The following DLGAP4 variants were observed in gnomAD, a reference collection of about 807,000 sequenced individuals.
The protein encoded by DLGAP4 is disks large-associated protein 4.
Under a neutral mutation model 86.9 loss-of-function variants are expected in DLGAP4, and 18 were observed. That is an observed-to-expected ratio of 0.21 (90% CI 0.14 to 0.31). The LOEUF is 0.31. Among genes scored for constraint, DLGAP4 ranks in the 10% least tolerant of loss-of-function variants. The pLI, the probability that DLGAP4 is intolerant of heterozygous loss-of-function variation, is 1.00. For missense variants in DLGAP4, 1,085 were observed against 1,362.6 expected (o/e 0.80, Z 3.21); for synonymous variants, 548 against 574.3 (o/e 0.95, Z 0.65).
chr20:36,461,939 G>A, intron 7 of DLGAP4: 1 of 984,784 alleles, frequency 1.0e-6, no homozygotes, highest in Non-Finnish European at 1.2e-6. Context: ...AGCCCTCAGA[G>A]CCGCCCTTTC....
At chr20:36,521,606 C>T (rs2147856510) in intron 10 of DLGAP4, among the ~76,000 whole-genome samples, 1 of 152,144 alleles carries the variant, frequency 6.6e-6, no homozygotes, top group East Asian at 1.9e-4. Flanking sequence ...GCCTTTCAGC[C>T]CTCCTCTCCC....
At position 36,317,501 on chromosome 20, in the gene DLGAP4, C is replaced by T. The variant is rs1407358143; in HGVS notation, c.-304+10989C>T. Among the ~76,000 whole-genome samples the T allele has an allele frequency of 1.9e-3, 271 of 139,322 alleles. 2 individuals carry two copies. The highest frequency in any genetic ancestry group is 3.9e-3 in the Admixed American group (53 of 13,556). The allele number at this position is 139,322 out of a possible 152,430, so 91.4% of individuals were successfully genotyped here. ...TTTGTCAGAGCTCTGTTGCCCAGGCCGGAGTACAGTGACATGATCATAGCT... is the reference window on the plus strand; with the variant it reads ...TTTGTCAGAGCTCTGTTGCCCAGGCTGGAGTACAGTGACATGATCATAGCT... On this transcript the variant is annotated intron_variant, in intron 1 of 12. Transcript: ENST00000339266.
chr20:36,346,062 T>C (rs2029926998), intron 1 of DLGAP4, among the ~76,000 whole-genome samples: 2 of 152,040 alleles, frequency 1.3e-5, no homozygotes, highest in Admixed American at 6.6e-5. Flanking sequence ...CACCCTCACA[T>C]TTTTTTTCAT....
intron 7 of DLGAP4, among the ~76,000 whole-genome samples, chr20:36,462,958 G>C (rs879853639): frequency 2.0e-5 from 3 of 151,432 alleles, no homozygotes; most frequent in Non-Finnish European, 4.4e-5. Context: ...GCCCCGGCTG[G>C]GTGTGGGGGC....
chr20:36,468,738 G>A (rs540500956), intron 7 of DLGAP4, among the ~76,000 whole-genome samples: 3 of 152,350 alleles, frequency 2.0e-5, no homozygotes, highest in South Asian at 2.1e-4. Flanking sequence ...AACCGTGTTC[G>A]TCATACCAAA....
chr20:36,457,725 C>T (rs1231019988), intron 7 of DLGAP4, among the ~76,000 whole-genome samples: 1 of 150,694 alleles, frequency 6.6e-6, no homozygotes, highest in Non-Finnish European at 1.5e-5. Flanking sequence ...CCGTGGTAGC[C>T]AGGATGGTCC....
chr20:36,358,684 T>G (rs1241604175), intron 1 of DLGAP4, among the ~76,000 whole-genome samples: 10 of 152,074 alleles, frequency 6.6e-5, no homozygotes, highest in Admixed American at 3.9e-4. Flanking sequence ...GGTGGACGCC[T>G]GTAGTCCCAG....
At chr20:36,461,579 G>A in intron 7 of DLGAP4, 1 of 962,062 alleles carries the variant, frequency 1.0e-6, no homozygotes, top group African/African-American at 1.8e-5. Context: ...CGTCGTCGCT[G>A]CCGCCTCCTC....
At chr20:36,420,185 A>G (rs1428537280) in intron 2 of DLGAP4, among the ~76,000 whole-genome samples, 2 of 152,120 alleles carry the variant, frequency 1.3e-5, no homozygotes, top group South Asian at 2.1e-4. Context: ...ATTCAACACA[A>G]TCTTCATGAA....
Position 36,497,018 on chromosome 20 carries a change from C to G in DLGAP4, c.1962C>G (p.Ser654=). 6.2e-7 allele frequency: 1 copy of G among 1,612,278 alleles called. No homozygotes were observed. The highest frequency in any genetic ancestry group is 8.5e-7 in the Non-Finnish European group (1 of 1,178,628). The part of the protein sequence containing the change: ...SEQGTLTSSE[S]HPEAAPKRKL... ...AAGGGACGCTGACCAGCTCTGAGTC[C>G]CACCCCGAGGCCGCCCCCAAAAGGA... The change falls in exon 8 of 13, where the codon TCC becomes TCG. Residue 654 remains serine (S), a synonymous_variant. Coordinates refer to ENST00000339266, the MANE Select transcript of DLGAP4 (RefSeq NM_001365621.2).
At chr20:36,482,764 C>T (rs767886614) in intron 7 of DLGAP4, among the ~76,000 whole-genome samples, 1 of 152,198 alleles carries the variant, frequency 6.6e-6, no homozygotes, top group East Asian at 1.9e-4. Context: ...CTCTGTCTCC[C>T]GGGTTCAAGT....
intron 1 of DLGAP4, among the ~76,000 whole-genome samples, chr20:36,347,530 C>G (rs1569465944): frequency 6.6e-6 from 1 of 151,946 alleles, no homozygotes; most frequent in Admixed American, 6.6e-5. Flanking sequence ...CATGCTCACA[C>G]AGGCTTGATG....
intron 2 of DLGAP4, among the ~76,000 whole-genome samples, chr20:36,407,150 G>A (rs538031383): frequency 6.6e-6 from 1 of 152,202 alleles, no homozygotes; most frequent in African/African-American, 2.4e-5. Flanking sequence ...GACCAGCCAG[G>A]GCAACATAGC....
In DLGAP4 at chr20:36,520,880, C is replaced by T. The variant is rs572539518; in HGVS notation, c.2513-3370C>T. ...CAGAGTCTCCCTCTGTTACCCAGGC[C>T]GGAGTGCAGTAGCGTGATCTTGGCT... On this transcript the variant is annotated intron_variant, in intron 10 of 12. Coordinates refer to ENST00000339266, the MANE Select transcript of DLGAP4 (RefSeq NM_001365621.2). Among the ~76,000 whole-genome samples the T allele has an allele frequency of 3.6e-4, 55 of 151,838 alleles. 1 individual carries two copies. The highest frequency in any genetic ancestry group is 1.3e-3 in the African/African-American group (53 of 41,402).
chr20:36,513,351 A>T (rs2036835101), intron 10 of DLGAP4, among the ~76,000 whole-genome samples: 1 of 150,932 alleles, frequency 6.6e-6, no homozygotes, highest in African/African-American at 2.4e-5. Context: ...GATCGAGACC[A>T]TCCTGGCTAA....
intron 7 of DLGAP4, among the ~76,000 whole-genome samples, chr20:36,453,112 C>T (rs1157561370): frequency 2.6e-5 from 4 of 152,154 alleles, no homozygotes; most frequent in African/African-American, 7.2e-5. Flanking sequence ...GGATTACAGG[C>T]GTGAGTCACC....
At chr20:36,494,584 T>C (rs2035801791) in intron 7 of DLGAP4, among the ~76,000 whole-genome samples, 1 of 152,236 alleles carries the variant, frequency 6.6e-6, no homozygotes, top group African/African-American at 2.4e-5. Flanking sequence ...ACCCATCTTA[T>C]TCAGATTTCC....
chr20:36,344,953 C>G lies in DLGAP4; in HGVS notation c.-303-22092C>G, dbSNP rs138170939. Among the ~76,000 whole-genome samples the G allele has an allele frequency of 3.6e-3, 544 of 152,348 alleles. 1 individual carries two copies. Among genetic ancestry groups the G allele is most frequent in the African/African-American group, 0.01 (436 of 41,590 alleles). On this transcript the variant is annotated intron_variant, in intron 1 of 12. Transcript: ENST00000339266. ...TCCATGTCTCAGCACCTCCACACCC[C>G]TCCTGGGCCTTGCCATCACCATGGA...
chr20:36,486,722 T>C (rs992205284), intron 7 of DLGAP4, among the ~76,000 whole-genome samples: 1 of 152,226 alleles, frequency 6.6e-6, no homozygotes, highest in East Asian at 1.9e-4. Flanking sequence ...GTGATTCTCC[T>C]GTTTCAGCCC....
Sources: gnomAD v4.1 joint callset for allele counts (sites outside exome capture counted in the v4.1 genomes callset) on GRCh38, gnomAD v4.1.1 for gene constraint, MANE v1.5 for transcripts, NCBI Gene and HGNC (gene_info 2026-07-23, HGNC 2026-07-21) for gene names.